ZYG11A: variants seen among roughly 807,000 people sequenced by gnomAD.
ZYG11A encodes protein zyg-11 homolog A.
Under a neutral mutation model 77.2 loss-of-function variants are expected in ZYG11A, and 62 were observed. The ratio of observed to expected loss-of-function variants is 0.80; its 90% CI spans 0.65 to 0.99. The LOEUF (loss-of-function observed/expected upper bound fraction) is 0.99. Among genes scored for constraint, ZYG11A ranks in the 50% least tolerant of loss-of-function variants. The pLI is 0.00. For missense variants in ZYG11A, 828 were observed against 896.8 expected, an observed-to-expected ratio of 0.92 and a Z score of 0.98; for synonymous variants, 315 against 324.6, an observed-to-expected ratio of 0.97 and a Z score of 0.32.
intron 8 of ZYG11A, among the ~76,000 whole-genome samples, chr1:52,873,996 T>A (rs572155334): frequency 0.011 from 1,719 of 150,768 alleles, 17 homozygotes; most frequent in African/African-American, 0.02. Context: ...AAAAAAAAAA[T>A]AAATAAATAA....
chr1:52,890,243 CT>C (rs1480047348), intron 13 of ZYG11A, among the ~76,000 whole-genome samples: 2 of 102,900 alleles, frequency 1.9e-5, no homozygotes, highest in African/African-American at 7.5e-5. Flanking sequence ...AAAATATTTT[CT>C]TTTAGTTTTT....
At chr1:52,862,334 C>CAGA (rs1557438990) in intron 4 of ZYG11A, among the ~76,000 whole-genome samples, 2 of 139,894 alleles carry the variant, frequency 1.4e-5, no homozygotes. Context: ...TTTTTTGAGA[C>CAGA]GGCGTCTCGC....
At chr1:52,847,383 AC>A (rs1645609987) in intron 1 of ZYG11A, among the ~76,000 whole-genome samples, 1 of 151,562 alleles carries the variant, frequency 6.6e-6, no homozygotes, top group Non-Finnish European at 1.5e-5. Context: ...TATTTTTAGT[AC>A]AGACAGGGTT....
intron 8 of ZYG11A, among the ~76,000 whole-genome samples, chr1:52,871,746 T>C (rs972838762): frequency 1.3e-5 from 2 of 152,226 alleles, no homozygotes; most frequent in Non-Finnish European, 2.9e-5. Context: ...CGGATTTCTT[T>C]TAGTTATCCT....
intron 1 of ZYG11A, among the ~76,000 whole-genome samples, chr1:52,847,826 C>T (rs950921870): frequency 2.0e-4 from 29 of 142,528 alleles, no homozygotes; most frequent in African/African-American, 7.0e-4. Flanking sequence ...TGTGCCACCA[C>T]GCCTTGCTAA....
Position 52,881,615 on chromosome 1 carries a change from C to A in ZYG11A, c.1894C>A (p.Gln632Lys). ...GIIAHLTSDR[Q>K]LWISRDFQRR... is the part of the protein sequence containing the mutation. ...CATAGCCCACCTGACATCTGACAGA[C>A]AGCTTTGGATATCCCGTGACTTCCA... is the stretch of plus-strand genomic sequence containing the variant. The change falls in exon 11 of 14, where the codon CAG becomes AAG. Residue 632 changes from glutamine to lysine, a missense_variant. Gln to Lys is a moderately conservative substitution (Grantham distance 53). Coordinates refer to ENST00000371528, the MANE Select transcript of ZYG11A (RefSeq NM_001004339.3). 1 of 1,552,360 alleles carries A rather than the reference C, an allele frequency of 6.4e-7. No individual in the cohort carries two copies. The highest frequency in any genetic ancestry group is 8.7e-7 in the Non-Finnish European group (1 of 1,147,126).
intron 13 of ZYG11A, among the ~76,000 whole-genome samples, chr1:52,887,387 A>AT (rs1202516280): frequency 6.6e-6 from 1 of 152,210 alleles, no homozygotes; most frequent in East Asian, 1.9e-4. Flanking sequence ...TATGAAATAT[A>AT]TTTTTTAACA....
rs1182719295 is a variant in ZYG11A, at chr1:52,893,808, CTTTTTTTTTTTT to C, written c.*861_*872del. On this transcript the variant is annotated 3_prime_UTR_variant, in exon 14 of 14. Transcript: ENST00000371528. ...AGAAAAGAGAAATATATTTTTTTACCTTTTTTTTTTTTTTTTTTTTTGTGACGGAATCTCGCT... is the reference window on the plus strand; with the variant it reads ...AGAAAAGAGAAATATATTTTTTTACCTTTTTTTTTGTGACGGAATCTCGCT... 1 of 110,982 alleles carries C rather than the reference CTTTTTTTTTTTT, an allele frequency of 9.0e-6. No individual in the cohort carries two copies. The highest frequency in any genetic ancestry group is 1.7e-5 in the Non-Finnish European group (1 of 57,834). 6.9% of individuals were successfully genotyped at this position (110,982 alleles called of 1,614,324 possible).
intron 11 of ZYG11A, among the ~76,000 whole-genome samples, chr1:52,884,286 G>A (rs766457527): frequency 6.6e-6 from 1 of 151,962 alleles, no homozygotes; most frequent in Non-Finnish European, 1.5e-5. Flanking sequence ...CATGAGGTCT[G>A]GAGATCGAGA....
At chr1:52,859,057 TTTAA>T (rs377502539) in intron 3 of ZYG11A, among the ~76,000 whole-genome samples, 1,774 of 152,270 alleles carry the variant, frequency 0.012, 39 homozygotes, top group African/African-American at 0.038. Context: ...ATTGTTGTAT[TTTAA>T]TTAATTAATT....
Position 52,866,541 on chromosome 1 carries a change from G to C in ZYG11A, c.1365G>C (p.Arg455Ser). Residue 455 changes from arginine to serine, a missense_variant, in exon 6 of 14, where the codon AGG becomes AGC. Transcript: ENST00000371528. Reference protein sequence around the residue: ...KNCLLSLTNSRILVDVPFDRF... With the variant: ...KNCLLSLTNSSILVDVPFDRF... ...GTCTTCTCTCCTTAACCAATTCCAGGATTCTTGTGGATGTTCCATTTGACA... is the reference window on the plus strand; with the variant it reads ...GTCTTCTCTCCTTAACCAATTCCAGCATTCTTGTGGATGTTCCATTTGACA... 2 of 1,543,100 alleles carry C rather than the reference G, an allele frequency of 1.3e-6. No homozygotes were observed. The highest frequency in any genetic ancestry group is 1.8e-6 in the Non-Finnish European group (2 of 1,139,744).
At chr1:52,869,867 C>A (rs531743117) in intron 8 of ZYG11A, among the ~76,000 whole-genome samples, 1 of 148,972 alleles carries the variant, frequency 6.7e-6, no homozygotes, top group Non-Finnish European at 1.5e-5. Context: ...GCTGACCCCC[C>A]CACACCTCCC....
intron 5 of ZYG11A, among the ~76,000 whole-genome samples, chr1:52,865,786 ATAG>A (rs1258210631): frequency 6.6e-6 from 1 of 152,088 alleles, no homozygotes; most frequent in Non-Finnish European, 1.5e-5. Context: ...TTTTCCGAGG[ATAG>A]GGTTTACAGG....
Position 52,878,067 on chromosome 1 carries a change from T to C in ZYG11A, c.1749+98T>C, listed in dbSNP as rs976745282. 139 of 994,414 alleles carry C rather than the reference T, an allele frequency of 1.4e-4. 2 individuals are homozygous for C. The South Asian group carries it at 2.0e-3, about 14-fold the overall frequency. The allele number at this position is 994,414 out of a possible 1,614,324, so 61.6% of individuals were successfully genotyped here. A position where few individuals can be genotyped will look rare whatever the true frequency, so the allele number is the denominator to read the frequency against. On this transcript the variant is annotated intron_variant, in intron 10 of 13. Transcript: ENST00000371528. The stretch of plus-strand genomic sequence containing the variant: ...ATGCTAGGCAGTATTGTAAGCAATT[T>C]ACATGTATAAACTCATTTAATCTTT...
At position 52,854,498 on chromosome 1, in the gene ZYG11A, T is replaced by C. The variant is rs1645770765; in HGVS notation, c.124T>C (p.Cys42Arg). The C allele has an allele frequency of 1.9e-6, 3 of 1,550,554 alleles. No individual in the cohort carries two copies. The highest frequency in any genetic ancestry group is 2.4e-5 in the South Asian group (2 of 83,658). ...ATCTCCCTACACTTTGGTCAACATC[T>C]GCCTGAATGTCCTGATTGCTAACCT... ...EASPYTLVNI[C>R]LNVLIANLEK... is the part of the protein sequence containing the mutation. The change falls in exon 2 of 14, where the codon TGC becomes CGC. Residue 42 changes from cysteine to arginine, a missense_variant. Physicochemically the swap from Cys to Arg is radical, Grantham distance 180. Coordinates refer to ENST00000371528, the MANE Select transcript of ZYG11A (RefSeq NM_001004339.3).
intron 8 of ZYG11A, 60 bp from the exon 9 acceptor site, chr1:52,877,622 A>C: frequency 6.3e-6 from 9 of 1,423,354 alleles, no homozygotes; most frequent in Non-Finnish European, 8.5e-6. Context: ...TGCTTTCCTT[A>C]TACCGCAATT....
intron 4 of ZYG11A, among the ~76,000 whole-genome samples, chr1:52,861,517 A>G (rs947744124): frequency 1.3e-5 from 2 of 152,098 alleles, no homozygotes; most frequent in African/African-American, 4.8e-5. Flanking sequence ...CCTGGCCAAC[A>G]TGGTGAAACC....
intron 1 of ZYG11A, among the ~76,000 whole-genome samples, chr1:52,852,216 T>A (rs1645726596): frequency 6.6e-6 from 1 of 150,754 alleles, no homozygotes; most frequent in Non-Finnish European, 1.5e-5. Flanking sequence ...GCCTGGCCAG[T>A]TTTTGTATTT....
chr1:52,860,370 C>T (rs1174419634), intron 3 of ZYG11A, among the ~76,000 whole-genome samples: 1 of 152,048 alleles, frequency 6.6e-6, no homozygotes, highest in African/African-American at 2.4e-5. Flanking sequence ...TTCTTGAATC[C>T]TGTATATCTC....
Sources: gnomAD v4.1 joint callset for allele counts (sites outside exome capture counted in the v4.1 genomes callset) on GRCh38, gnomAD v4.1.1 for gene constraint, MANE v1.5 for transcripts, NCBI Gene and HGNC (gene_info 2026-07-23, HGNC 2026-07-21) for gene names.